The following PLPP3 variants were observed in gnomAD, a reference collection of about 807,000 sequenced individuals.
PLPP3 encodes the protein phospholipid phosphatase 3.
A neutral mutation model predicts 29.6 loss-of-function variants in PLPP3; 6 were observed. The observed-to-expected ratio is 0.20, with a 90% confidence interval of 0.11 to 0.40. The LOEUF (loss-of-function observed/expected upper bound fraction) is 0.40. Among genes scored for constraint, PLPP3 ranks in the 10% least tolerant of loss-of-function variants. The pLI is 1.00. For synonymous variants in PLPP3, 152 were observed against 159.7 expected, an observed-to-expected ratio of 0.95 and a Z score of 0.36; for missense variants, 308 against 407.7, an observed-to-expected ratio of 0.76 and a Z score of 2.11.
At chr1:56,498,675 C>A (rs1442883581) in intron 5 of PLPP3, among the ~76,000 whole-genome samples, 1 of 151,852 alleles carries the variant, frequency 6.6e-6, no homozygotes, top group Non-Finnish European at 1.5e-5. Context: ...ATTCTGTCAC[C>A]CAGGCTGGAG....
At chr1:56,576,865 T>C (rs1403662995) in intron 1 of PLPP3, among the ~76,000 whole-genome samples, 2 of 152,170 alleles carry the variant, frequency 1.3e-5, no homozygotes, top group Non-Finnish European at 2.9e-5. Flanking sequence ...ACAGAGTAGC[T>C]TGGGTTTTTA....
chr1:56,565,339 G>T (rs567796232), intron 1 of PLPP3, among the ~76,000 whole-genome samples: 6 of 151,714 alleles, frequency 4.0e-5, no homozygotes, highest in Non-Finnish European at 8.8e-5. Context: ...ACAGTAGCTC[G>T]AGCCTAAGGT....
intron 1 of PLPP3, among the ~76,000 whole-genome samples, chr1:56,539,268 G>T (rs1489314988): frequency 6.6e-6 from 1 of 152,052 alleles, no homozygotes; most frequent in Non-Finnish European, 1.5e-5. Context: ...TTTTCAAAAA[G>T]AATTAAATTC....
At chr1:56,532,842 T>C (rs530423654) in intron 2 of PLPP3, among the ~76,000 whole-genome samples, 32 of 152,044 alleles carry the variant, frequency 2.1e-4, no homozygotes, top group South Asian at 8.3e-4. Context: ...GCTAACAGGG[T>C]AGCCAAGAAA....
intron 1 of PLPP3, among the ~76,000 whole-genome samples, chr1:56,545,756 C>G (rs954290735): frequency 6.6e-6 from 1 of 152,172 alleles, no homozygotes; most frequent in South Asian, 2.1e-4. Flanking sequence ...AGCCATGCTA[C>G]CCAGGTGTAC....
At chr1:56,525,124 T>C (rs952262079) in intron 2 of PLPP3, among the ~76,000 whole-genome samples, 7 of 152,312 alleles carry the variant, frequency 4.6e-5, no homozygotes, top group Admixed American at 2.0e-4. Context: ...AGCAATAATC[T>C]ACATCCTCCA....
intron 1 of PLPP3, among the ~76,000 whole-genome samples, chr1:56,553,111 T>G (rs183579866): frequency 6.6e-6 from 1 of 152,110 alleles, no homozygotes; most frequent in South Asian, 2.1e-4. Flanking sequence ...CCAGAAGAAC[T>G]TGGTTTCCTC....
In PLPP3 at chr1:56,579,257, G is replaced by C. The variant is rs372391578; in HGVS notation, c.-241C>G. The C allele has an allele frequency of 4.1e-6, 2 of 486,778 alleles. No individual in the cohort carries two copies. The highest frequency in any genetic ancestry group is 4.6e-5 in the Admixed American group (1 of 21,972). The allele number at this position is 486,778 out of a possible 1,614,324, so 30.2% of individuals were successfully genotyped here. A position where few individuals can be genotyped will look rare whatever the true frequency, so the allele number is the denominator to read the frequency against. On this transcript the variant is annotated 5_prime_UTR_variant, in exon 1 of 6. Transcript: ENST00000371250. ...TCTGTCAACCCTAAATCGTTCTAAA[G>C]TCCAAGGGGAAGAGAGCCAGATCCC...
chr1:56,514,947 T>C (rs889613010), intron 4 of PLPP3, among the ~76,000 whole-genome samples: 5 of 152,160 alleles, frequency 3.3e-5, no homozygotes, highest in African/African-American at 4.8e-5. Context: ...AAGACGGTGT[T>C]AGTCTAGCTC....
At chr1:56,573,544 G>A (rs568062158) in intron 1 of PLPP3, among the ~76,000 whole-genome samples, 2 of 152,134 alleles carry the variant, frequency 1.3e-5, no homozygotes, top group South Asian at 4.1e-4. Flanking sequence ...AGAATCACCG[G>A]CAGCGTTTAT....
At chr1:56,563,097 T>C (rs1417045173) in intron 1 of PLPP3, among the ~76,000 whole-genome samples, 1 of 152,208 alleles carries the variant, frequency 6.6e-6, no homozygotes, top group Non-Finnish European at 1.5e-5. Context: ...GCCAGCTGCT[T>C]TCCTGCTCTG....
intron 1 of PLPP3, among the ~76,000 whole-genome samples, chr1:56,548,067 C>CA (rs1646017017): frequency 6.6e-6 from 1 of 152,212 alleles, no homozygotes; most frequent in Non-Finnish European, 1.5e-5. Context: ...CTGGTTTCCT[C>CA]ACTAAGGTGG....
At chr1:56,552,385 C>T (rs1210095112) in intron 1 of PLPP3, among the ~76,000 whole-genome samples, 2 of 152,028 alleles carry the variant, frequency 1.3e-5, no homozygotes, top group Non-Finnish European at 2.9e-5. Flanking sequence ...AGAATCACTA[C>T]TCTAAAACTT....
chr1:56,544,257 A>T (rs1645991303), intron 1 of PLPP3, among the ~76,000 whole-genome samples: 1 of 152,222 alleles, frequency 6.6e-6, no homozygotes, highest in African/African-American at 2.4e-5. Flanking sequence ...AAGGGTTGCC[A>T]CATTCATCTG....
At chr1:56,501,148 C>T (rs909659199) in intron 5 of PLPP3, among the ~76,000 whole-genome samples, 7 of 151,124 alleles carry the variant, frequency 4.6e-5, no homozygotes, top group African/African-American at 1.5e-4. Flanking sequence ...ACAGTAAAGA[C>T]AAAGAAGAAG....
intron 2 of PLPP3, among the ~76,000 whole-genome samples, chr1:56,529,436 TC>T (rs1340499917): frequency 6.6e-6 from 1 of 152,136 alleles, no homozygotes; most frequent in African/African-American, 2.4e-5. Context: ...CCACAGAGGG[TC>T]AAGTTGTTCT....
At chr1:56,577,373 G>A (rs1646243446) in intron 1 of PLPP3, among the ~76,000 whole-genome samples, 1 of 152,156 alleles carries the variant, frequency 6.6e-6, no homozygotes, top group South Asian at 2.1e-4. Flanking sequence ...CGTGGAAATG[G>A]GATGTGCCAC....
In PLPP3 at chr1:56,579,362, G is replaced by C; in HGVS notation, c.-346C>G. On this transcript the variant is annotated 5_prime_UTR_variant, in exon 1 of 6. Coordinates refer to ENST00000371250, the MANE Select transcript of PLPP3 (RefSeq NM_003713.5). ...TCTGAGTGCGCGAGCGAGCGAGTGG[G>C]CAGCGCGGGCGCTCGGCCACCTTCC... The C allele has an allele frequency of 3.6e-6, 1 of 277,358 alleles. No homozygotes were observed. Among genetic ancestry groups the C allele is most frequent in the South Asian group, 4.0e-5 (1 of 25,098 alleles). The allele number at this position is 277,358 out of a possible 1,614,324, so 17.2% of individuals were successfully genotyped here. A position where few individuals can be genotyped will look rare whatever the true frequency, so the allele number is the denominator to read the frequency against.
At position 56,579,135 on chromosome 1, in the gene PLPP3, C is replaced by T; in HGVS notation, c.-119G>A. 2 of 1,382,528 alleles carry T rather than the reference C, an allele frequency of 1.4e-6. No homozygotes were observed. The highest frequency in any genetic ancestry group is 9.5e-7 in the Non-Finnish European group (1 of 1,052,382). The allele number at this position is 1,382,528 out of a possible 1,614,324, so 85.6% of individuals were successfully genotyped here. ...TGCTGCGGATAGTGGCGGGTCGGCCCCGGCTCCGGGCGCGGCGGCTAGAGT... is the reference window on the plus strand; with the variant it reads ...TGCTGCGGATAGTGGCGGGTCGGCCTCGGCTCCGGGCGCGGCGGCTAGAGT... On this transcript the variant is annotated 5_prime_UTR_variant, in exon 1 of 6. Transcript: ENST00000371250.
Sources: gnomAD v4.1 joint callset for allele counts (sites outside exome capture counted in the v4.1 genomes callset) on GRCh38, gnomAD v4.1.1 for gene constraint, MANE v1.5 for transcripts, NCBI Gene and HGNC (gene_info 2026-07-23, HGNC 2026-07-21) for gene names.